GRM4: variants seen among roughly 807,000 people sequenced by gnomAD.
The protein encoded by GRM4 is metabotropic glutamate receptor 4.
A neutral mutation model predicts 81.7 loss-of-function variants in GRM4; 28 were observed. That is an observed-to-expected ratio of 0.34 (90% CI 0.25 to 0.47). The LOEUF is 0.47. Ranked by LOEUF, GRM4 falls within the 20% of genes least tolerant of loss-of-function variation. GRM4 has a pLI of 1.00. For synonymous variants in GRM4, 488 were observed against 528.8 expected, an observed-to-expected ratio of 0.92 and a Z score of 1.06; for missense variants, 948 against 1,290.0, an observed-to-expected ratio of 0.73 and a Z score of 4.06.
chr6:34,154,901 G>A (rs576501307), intron 1 of GRM4, among the ~76,000 whole-genome samples: 3 of 152,214 alleles, frequency 2.0e-5, no homozygotes, highest in Non-Finnish European at 4.4e-5. Context: ...CCACCAGCCA[G>A]GCTCCCCATC....
Position 34,040,574 on chromosome 6 carries a change from T to A in GRM4, c.1343A>T (p.Lys448Met), listed in dbSNP as rs1764962264. ...TGAGAAGTTGACGTTTCGGATGTAC[T>A]TAAGCAGCTGGGTGCCATCTACAGG... ...MDPVDGTQLL[K>M]YIRNVNFSGI... Residue 448 changes from lysine to methionine, a missense_variant, in exon 7 of 11, where the codon AAG (lysine) becomes ATG (methionine). Lys to Met is a moderately conservative substitution (Grantham distance 95). Coordinates refer to ENST00000538487, the MANE Select transcript of GRM4 (RefSeq NM_000841.4). The A allele has an allele frequency of 1.2e-6, 2 of 1,613,722 alleles. No homozygotes were observed. The highest frequency in any genetic ancestry group is 1.7e-5 in the Admixed American group (1 of 59,968).
Position 34,022,623 on chromosome 6 carries a change from C to T in GRM4, c.*198G>A. On this transcript the variant is annotated 3_prime_UTR_variant, in exon 11 of 11. Transcript: ENST00000538487. This position sits in a 1 kb window ranked among gnomAD's most constrained non-coding sequence, Gnocchi z 5.6. ...TGGTAGCCTGGCACCGCCCCGGCCC[C>T]TCGTCCTCCTGTTGCTCACCCGGTT... 1.7e-6 allele frequency: 1 copy of T among 604,150 alleles called. No individual in the cohort carries two copies. The highest frequency in any genetic ancestry group is 3.0e-6 in the Non-Finnish European group (1 of 336,700). 37.4% of individuals were successfully genotyped at this position (604,150 alleles called of 1,614,324 possible).
chr6:34,103,778 C>A, intron 2 of GRM4: 1 of 1,453,306 alleles, frequency 6.9e-7, no homozygotes, highest in Non-Finnish European at 9.0e-7. Flanking sequence ...TTGGGCAAGT[C>A]ACCTCCTTTG....
intron 2 of GRM4, among the ~76,000 whole-genome samples, chr6:34,125,289 C>T (rs1011048821): frequency 2.6e-5 from 4 of 152,192 alleles, no homozygotes; most frequent in Admixed American, 6.5e-5. Context: ...ATCCAGTCAC[C>T]GCACGCTAAA....
intron 3 of GRM4, among the ~76,000 whole-genome samples, chr6:34,076,184 CT>C (rs1260394762): frequency 1.3e-5 from 2 of 152,252 alleles, no homozygotes; most frequent in Admixed American, 6.5e-5. Context: ...GAAGTGGAAA[CT>C]GAAAAGCAAA....
chr6:34,049,705 C>A lies in GRM4; in HGVS notation c.1168+6839G>T, dbSNP rs151286037. Reference sequence around the variant, plus strand: ...CATTTCATCCATCTCCTTGTTCCAGCAGAGAATGCTGAAGCCATCCTTGAC... The same window carrying A: ...CATTTCATCCATCTCCTTGTTCCAGAAGAGAATGCTGAAGCCATCCTTGAC... On this transcript the variant is annotated intron_variant, in intron 6 of 10. Transcript: ENST00000538487. 6.0e-3 allele frequency among the ~76,000 whole-genome samples: 907 copies of A among 152,248 alleles called. 6 individuals carry two copies. Among genetic ancestry groups the A allele is most frequent in the African/African-American group, 0.02 (838 of 41,530 alleles).
chr6:34,032,329 A>G (rs376270504), intron 9 of GRM4, among the ~76,000 whole-genome samples: 55 of 152,278 alleles, frequency 3.6e-4, no homozygotes, highest in East Asian at 3.1e-3. Flanking sequence ...TAGGCACACC[A>G]CAACTCCTGA....
In GRM4 at chr6:34,027,180, G is replaced by A. The variant is rs1046797003; in HGVS notation, c.2689+940C>T. Among the ~76,000 whole-genome samples, 25 of 152,176 alleles carry A rather than the reference G, an allele frequency of 1.6e-4. 1 individual carries two copies. Among genetic ancestry groups the A allele is most frequent in the Non-Finnish European group, 2.5e-4 (17 of 68,022 alleles). On this transcript the variant is annotated intron_variant, in intron 10 of 10. Transcript: ENST00000538487. Reference sequence around the variant, plus strand: ...GGAGGACTGGAAAGAACCAGAGGTCGCAGGGCAGGAAAAGGGGGACACACA... The same window carrying A: ...GGAGGACTGGAAAGAACCAGAGGTCACAGGGCAGGAAAAGGGGGACACACA...
At chr6:34,109,184 G>A (rs1769261523) in intron 2 of GRM4, among the ~76,000 whole-genome samples, 1 of 152,166 alleles carries the variant, frequency 6.6e-6, no homozygotes, top group African/African-American at 2.4e-5. Flanking sequence ...GCACATCTGG[G>A]TCCTGTCCAG....
intron 1 of GRM4, among the ~76,000 whole-genome samples, chr6:34,139,808 G>A (rs749126512): frequency 6.6e-6 from 1 of 152,226 alleles, no homozygotes; most frequent in Non-Finnish European, 1.5e-5. Flanking sequence ...TCACAACTCT[G>A]TTGTGTGCTC....
intron 2 of GRM4, chr6:34,102,089 T>G: frequency 1.3e-6 from 2 of 1,535,614 alleles, no homozygotes; most frequent in Non-Finnish European, 1.7e-6. Flanking sequence ...GGCGCCATCA[T>G]GGGGAAATAG....
At chr6:34,076,210 T>C (rs1767302929) in intron 3 of GRM4, among the ~76,000 whole-genome samples, 1 of 152,202 alleles carries the variant, frequency 6.6e-6, no homozygotes, top group African/African-American at 2.4e-5. Context: ...AATGCTGAGA[T>C]GTAATTACCC....
chr6:34,073,212 CACAA>C (rs1440172200), intron 3 of GRM4, among the ~76,000 whole-genome samples: 3 of 138,482 alleles, frequency 2.2e-5, no homozygotes, highest in African/African-American at 8.8e-5. Context: ...CCACACATCA[CACAA>C]ACACACATCA....
In GRM4 at chr6:34,082,880, G is replaced by A. The variant is rs574335853; in HGVS notation, c.736+9003C>T. Among the ~76,000 whole-genome samples, 65 of 152,314 alleles carry A rather than the reference G, an allele frequency of 4.3e-4. 1 individual carries two copies. Among genetic ancestry groups the A allele is most frequent in the African/African-American group, 1.3e-3 (53 of 41,570 alleles). On this transcript the variant is annotated intron_variant, in intron 3 of 10. Coordinates refer to ENST00000538487, the MANE Select transcript of GRM4 (RefSeq NM_000841.4). The stretch of plus-strand genomic sequence containing the variant: ...GCAGAGCCAGATTTGAAGCCAGGCC[G>A]TCTGCCCCAGTGTCTGGGCTCTTGG...
rs1769801593 is a variant in GRM4, at chr6:34,121,258, A to G, written c.519+11720T>C. ...CCCTGGCTAGGGTCTCCCAGCTGGA[A>G]TTCATTCCCTGGGATTAAGGGTTGT... On this transcript the variant is annotated intron_variant, in intron 2 of 10. Transcript: ENST00000538487. This position sits in a 1 kb window ranked among gnomAD's most constrained non-coding sequence, Gnocchi z 4.6. Among the ~76,000 whole-genome samples, 1 of 152,148 alleles carries G rather than the reference A, an allele frequency of 6.6e-6. No homozygotes were observed. Among genetic ancestry groups the G allele is most frequent in the Non-Finnish European group, 1.5e-5 (1 of 68,030 alleles).
At chr6:34,028,859 C>G (rs1764269411) in intron 9 of GRM4, among the ~76,000 whole-genome samples, 1 of 152,290 alleles carries the variant, frequency 6.6e-6, no homozygotes, top group Admixed American at 6.5e-5. Context: ...GTCACAGCCC[C>G]TCGGATCAGA....
At position 34,111,114 on chromosome 6, in the gene GRM4, T is replaced by TACACACACACAC. The variant is rs56326901; in HGVS notation, c.520-19027_520-19016dup. ...GAGGAGGAGACACACACAGGCCACA[T>TACACACACACAC]ACACACACACACACACACACACACA... On this transcript the variant is annotated intron_variant, in intron 2 of 10. Coordinates refer to ENST00000538487, the MANE Select transcript of GRM4 (RefSeq NM_000841.4). This position sits in a 1 kb window ranked among gnomAD's most constrained non-coding sequence, Gnocchi z 5.1. The TACACACACACAC allele has an allele frequency of 6.0e-4, 86 of 143,970 alleles. No homozygotes were observed. The highest frequency in any genetic ancestry group is 2.2e-3 in the African/African-American group (81 of 36,612). The allele number at this position is 143,970 out of a possible 1,614,324, so 8.9% of individuals were successfully genotyped here. A position where few individuals can be genotyped will look rare whatever the true frequency, so the allele number is the denominator to read the frequency against.
chr6:34,106,695 G>A (rs1769143969), intron 2 of GRM4, among the ~76,000 whole-genome samples: 1 of 152,202 alleles, frequency 6.6e-6, no homozygotes, highest in Non-Finnish European at 1.5e-5. Flanking sequence ...CATCTAGTGA[G>A]GACTGTTTGC....
At chr6:34,062,361 T>G (rs1766230963) in intron 3 of GRM4, 1 of 270,828 alleles carries the variant, frequency 3.7e-6, no homozygotes, top group African/African-American at 2.2e-5. Context: ...CTTACTGCTG[T>G]GTGACCTTAG....
Sources: gnomAD v4.1 joint callset for allele counts (sites outside exome capture counted in the v4.1 genomes callset) on GRCh38, gnomAD v4.1.1 for gene constraint, Gnocchi (gnomAD v3.1) non-coding constraint, MANE v1.5 for transcripts, NCBI Gene and HGNC (gene_info 2026-07-23, HGNC 2026-07-21) for gene names.